Variants in VWC2 observed in about 807,000 individuals in gnomAD.
VWC2 encodes brorin.
In VWC2, 14 loss-of-function variants were observed where a neutral mutation model predicts 29.8. The ratio of observed to expected loss-of-function variants is 0.47; its 90% CI spans 0.31 to 0.74. The LOEUF is 0.74. Among genes scored for constraint, VWC2 ranks in the 30% least tolerant of loss-of-function variants. The pLI is 0.05. For missense variants in VWC2, 457 were observed against 459.8 expected (o/e 0.99, Z 0.05); for synonymous variants, 213 against 199.0 (o/e 1.07, Z -0.59).
intron 2 of VWC2, among the ~76,000 whole-genome samples, chr7:49,783,451 G>T (rs1243686689): frequency 1.3e-5 from 2 of 152,156 alleles, no homozygotes; most frequent in African/African-American, 4.8e-5. Flanking sequence ...TGTATCAAAT[G>T]TAACAACTGT....
intron 3 of VWC2, among the ~76,000 whole-genome samples, chr7:49,856,055 A>T (rs1790404689): frequency 6.6e-6 from 1 of 152,208 alleles, no homozygotes. Context: ...GCTGCCTTTC[A>T]GGGCTGATGT....
Position 49,824,224 on chromosome 7 carries a change from A to G in VWC2, c.826+21384A>G, listed in dbSNP as rs576798844. On this transcript the variant is annotated intron_variant, in intron 3 of 3. Transcript: ENST00000340652. The stretch of plus-strand genomic sequence containing the variant: ...TTACATTGTCTTCCAGAAGTTTGTA[A>G]TTTTAGCTCTCAGATTTATTTTCTG... 3.9e-5 allele frequency among the ~76,000 whole-genome samples: 6 copies of G among 152,268 alleles called. 1 individual carries two copies. The South Asian group carries it at 1.2e-3, about 32-fold the overall frequency.
At chr7:49,788,478 T>C (rs998285929) in intron 2 of VWC2, among the ~76,000 whole-genome samples, 1 of 150,310 alleles carries the variant, frequency 6.7e-6, no homozygotes, top group African/African-American at 2.5e-5. Context: ...TGAGAGAGAG[T>C]GTGTGGGTGT....
intron 2 of VWC2, among the ~76,000 whole-genome samples, chr7:49,799,839 T>C (rs139747119): frequency 0.013 from 1,990 of 152,292 alleles, 43 homozygotes; most frequent in African/African-American, 0.044. Flanking sequence ...GTATAGCCTA[T>C]TGCTCCCAAG....
intron 3 of VWC2, among the ~76,000 whole-genome samples, chr7:49,830,926 C>T (rs1367706379): frequency 2.0e-5 from 3 of 152,106 alleles, no homozygotes; most frequent in African/African-American, 7.2e-5. Flanking sequence ...CATTGATGGA[C>T]ATTTGGGTTG....
In VWC2 at chr7:49,916,716, G is replaced by GA. The variant is rs1370803929; in HGVS notation, c.*4532dup. ...GAGTTATTTGCTATTCTTGTTTAAG[G>GA]ACAATGTATGTATTAAAGAGCAACT... On this transcript the variant is annotated 3_prime_UTR_variant, in exon 4 of 4. Transcript: ENST00000340652. 4 of 152,232 alleles carry GA rather than the reference G, an allele frequency of 2.6e-5. No individual in the cohort carries two copies. The East Asian group carries it at 5.8e-4, about 22-fold the overall frequency. The allele number at this position is 152,232 out of a possible 1,614,324, so 9.4% of individuals were successfully genotyped here.
Position 49,921,406 on chromosome 7 carries a change from C to T in VWC2, c.*9221C>T, listed in dbSNP as rs1323945311. ...TTATATCATAAGTATTCTCAATAAA[C>T]GTTTGCAATTTATTTGCTTTAATGT... On this transcript the variant is annotated 3_prime_UTR_variant, in exon 4 of 4. Transcript: ENST00000340652. 2.6e-5 allele frequency: 4 copies of T among 152,158 alleles called. No homozygotes were observed. Among genetic ancestry groups the T allele is most frequent in the African/African-American group, 4.8e-5 (2 of 41,444 alleles). 9.4% of individuals were successfully genotyped at this position (152,158 alleles called of 1,614,324 possible).
intron 2 of VWC2, among the ~76,000 whole-genome samples, chr7:49,800,197 C>T (rs893726926): frequency 2.6e-5 from 4 of 151,838 alleles, no homozygotes; most frequent in Non-Finnish European, 5.9e-5. Context: ...TGTTTTTTTT[C>T]CAGGCCAGTG....
intron 3 of VWC2, among the ~76,000 whole-genome samples, chr7:49,877,017 G>A (rs961967846): frequency 4.6e-5 from 7 of 152,172 alleles, no homozygotes; most frequent in Middle Eastern, 6.8e-3. Context: ...TGGGGTGCAG[G>A]GCACTCTACT....
intron 3 of VWC2, among the ~76,000 whole-genome samples, chr7:49,890,401 G>T (rs1792077477): frequency 2.6e-5 from 4 of 152,136 alleles, no homozygotes; most frequent in Admixed American, 2.6e-4. Context: ...AGTATGGAAA[G>T]GAATGCATAT....
chr7:49,899,583 T>C (rs1792596312), intron 3 of VWC2, among the ~76,000 whole-genome samples: 1 of 151,936 alleles, frequency 6.6e-6, no homozygotes, highest in African/African-American at 2.4e-5. Flanking sequence ...CAGAGGGAGG[T>C]ATTATATAAT....
intron 3 of VWC2, among the ~76,000 whole-genome samples, chr7:49,898,809 G>A (rs965141087): frequency 2.6e-5 from 4 of 151,984 alleles, no homozygotes; most frequent in Admixed American, 6.5e-5. Flanking sequence ...ATACTGCAAA[G>A]TCTAGGGCAA....
chr7:49,774,226 TC>T, intron 1 of VWC2, 113 bp downstream of exon 1: 1 of 152,596 alleles, frequency 6.6e-6, no homozygotes, highest in Non-Finnish European at 1.5e-5. Context: ...AGGAACCCCC[TC>T]CCCCGCCCAA....
intron 3 of VWC2, among the ~76,000 whole-genome samples, chr7:49,824,250 G>A (rs545829960): frequency 1.3e-5 from 2 of 151,910 alleles, no homozygotes; most frequent in African/African-American, 4.8e-5. Flanking sequence ...TTATTTTCTG[G>A]GTACATGGAG....
intron 3 of VWC2, among the ~76,000 whole-genome samples, chr7:49,890,393 T>C (rs1211910603): frequency 6.6e-6 from 1 of 152,134 alleles, no homozygotes; most frequent in East Asian, 1.9e-4. Flanking sequence ...CAACAGTCAG[T>C]ATGGAAAGGA....
chr7:49,838,619 C>T (rs1789720409), intron 3 of VWC2, among the ~76,000 whole-genome samples: 1 of 151,974 alleles, frequency 6.6e-6, no homozygotes, highest in Non-Finnish European at 1.5e-5. Flanking sequence ...AGACGATGCC[C>T]TTGGAGTAGA....
At chr7:49,879,916 T>C (rs997365790) in intron 3 of VWC2, among the ~76,000 whole-genome samples, 2 of 152,312 alleles carry the variant, frequency 1.3e-5, no homozygotes, top group East Asian at 3.9e-4. Flanking sequence ...GCATCACAGA[T>C]GAGATTCATC....
At chr7:49,882,660 TC>T (rs797016411) in intron 3 of VWC2, among the ~76,000 whole-genome samples, 17 of 152,140 alleles carry the variant, frequency 1.1e-4, no homozygotes, top group African/African-American at 4.1e-4. Flanking sequence ...CTACGTCTCA[TC>T]CCTGGTGAGC....
intron 3 of VWC2, among the ~76,000 whole-genome samples, chr7:49,898,383 T>A (rs1284039909): frequency 1.3e-5 from 2 of 152,028 alleles, no homozygotes; most frequent in Non-Finnish European, 2.9e-5. Flanking sequence ...TAGATATGGG[T>A]TTCTTACCCA....
Sources: gnomAD v4.1 joint callset for allele counts (sites outside exome capture counted in the v4.1 genomes callset) on GRCh38, gnomAD v4.1.1 for gene constraint, MANE v1.5 for transcripts, NCBI Gene and HGNC (gene_info 2026-07-23, HGNC 2026-07-21) for gene names.